HMGCS1: variants seen among roughly 807,000 people sequenced by gnomAD.
HMGCS1 encodes 3-hydroxy-3-methylglutaryl-CoA synthase 1, also known as hydroxymethylglutaryl-CoA synthase, cytoplasmic.
A neutral mutation model predicts 52.3 loss-of-function variants in HMGCS1; 9 were observed. That is an observed-to-expected ratio of 0.17 (90% CI 0.10 to 0.30). HMGCS1 has a LOEUF of 0.30. HMGCS1 is among the 10% of genes least tolerant of loss of function. The pLI, the probability that HMGCS1 is intolerant of heterozygous loss-of-function variation, is 1.00. For synonymous variants in HMGCS1, 176 were observed against 214.4 expected, an observed-to-expected ratio of 0.82 and a Z score of 1.57; for missense variants, 320 against 620.9, an observed-to-expected ratio of 0.52 and a Z score of 5.15.
At chr5:43,303,157 C>A in intron 2 of HMGCS1, among the ~76,000 whole-genome samples, 1 of 152,200 alleles carries the variant, frequency 6.6e-6, no homozygotes, top group Non-Finnish European at 1.5e-5. Context: ...CGAAATATAG[C>A]ATTCAGTGCT....
At position 43,298,459 on chromosome 5, in the gene HMGCS1, G is replaced by A. The variant is rs1049131007; in HGVS notation, c.448+59C>T. 2.4e-6 allele frequency: 3 copies of A among 1,252,434 alleles called. No individual in the cohort carries two copies. Among genetic ancestry groups the A allele is most frequent in the African/African-American group, 3.0e-5 (2 of 66,482 alleles). The allele number at this position is 1,252,434 out of a possible 1,614,324, so 77.6% of individuals were successfully genotyped here. ...TTGCATTAATTAAAGTGTCATCTGG[G>A]TCTATTGAACCTTAGAAAAAAATTT... On this transcript the variant is annotated intron_variant, in intron 3 of 10. Transcript: ENST00000325110. This position sits in a 1 kb window ranked among gnomAD's most constrained non-coding sequence, Gnocchi z 5.6.
At chr5:43,292,730 T>G in intron 9 of HMGCS1, 93 bp from the exon 10 acceptor site, 1 of 1,496,878 alleles carries the variant, frequency 6.7e-7, no homozygotes. Flanking sequence ...TCCCAATAAT[T>G]TTCACTGACA....
intron 8 of HMGCS1, among the ~76,000 whole-genome samples, chr5:43,293,436 A>C (rs1177000858): frequency 6.6e-6 from 1 of 152,118 alleles, no homozygotes; most frequent in African/African-American, 2.4e-5. Context: ...TCATCAGTTT[A>C]TCTCTACATT....
At chr5:43,311,761 CA>C (rs1216984495) in intron 1 of HMGCS1, among the ~76,000 whole-genome samples, 1 of 152,082 alleles carries the variant, frequency 6.6e-6, no homozygotes, top group Non-Finnish European at 1.5e-5. Flanking sequence ...AGATGAAAAA[CA>C]AAATTAAAAC....
intron 9 of HMGCS1, 89 bp from the exon 10 acceptor site, chr5:43,292,726 T>A: frequency 6.7e-7 from 1 of 1,494,278 alleles, no homozygotes; most frequent in South Asian, 1.2e-5. Context: ...TATATCCCAA[T>A]AATTTTCACT....
chr5:43,291,485 C>G lies in HMGCS1; in HGVS notation c.1474-265G>C, dbSNP rs1186039465. On this transcript the variant is annotated intron_variant, in intron 10 of 10. Transcript: ENST00000325110. ...CCACGTAACAGTATTTTACTTGTTA[C>G]GTCTTGTATTTGCAACTCAAACAGT... 3.3e-5 allele frequency among the ~76,000 whole-genome samples: 5 copies of G among 152,054 alleles called. No homozygotes were observed. In the East Asian group the frequency reaches 7.7e-4, roughly 23 times the overall value.
rs946221461 is a variant in HMGCS1, at chr5:43,299,446, G to C, written c.-10-471C>G. Among the ~76,000 whole-genome samples, 12 of 151,378 alleles carry C rather than the reference G, an allele frequency of 7.9e-5. No homozygotes were observed. The East Asian group carries it at 2.3e-3, about 29-fold the overall frequency. ...AGGCGGATCACAAGGTCAGGAGATC[G>C]AGACCATCCTGGCTAACATGGTGAA... On this transcript the variant is annotated intron_variant, in intron 2 of 10. Coordinates refer to ENST00000325110, the MANE Select transcript of HMGCS1 (RefSeq NM_001098272.3).
At chr5:43,302,839 T>TG (rs1258925636) in intron 2 of HMGCS1, among the ~76,000 whole-genome samples, 1 of 152,218 alleles carries the variant, frequency 6.6e-6, no homozygotes, top group African/African-American at 2.4e-5. Flanking sequence ...TTGAAAGGAA[T>TG]GCTACATCAC....
chr5:43,294,991 G>T, intron 6 of HMGCS1, 130 bp from the exon 7 acceptor site: 1 of 532,814 alleles, frequency 1.9e-6, no homozygotes, highest in Non-Finnish European at 3.2e-6. Flanking sequence ...AAGCCAAGTA[G>T]CAGCAATCTA....
rs758486909 is a variant in HMGCS1, at chr5:43,294,166, T to G, written c.1077-4A>C. On this transcript the variant is annotated splice_region_variant and splice_polypyrimidine_tract_variant and intron_variant, in intron 7 of 10. Coordinates refer to ENST00000325110, the MANE Select transcript of HMGCS1 (RefSeq NM_001098272.3). ...TGCTAATTGCTGAGGTGAGTACCTA[T>G]GTAGGGTGTAACAATAGTTCAGAAG... 1.3e-6 allele frequency: 2 copies of G among 1,565,108 alleles called. No individual in the cohort carries two copies. The highest frequency in any genetic ancestry group is 2.7e-5 in the African/African-American group (2 of 73,972).
intron 2 of HMGCS1, among the ~76,000 whole-genome samples, chr5:43,301,370 A>G (rs1033792795): frequency 6.6e-6 from 1 of 152,220 alleles, no homozygotes; most frequent in Non-Finnish European, 1.5e-5. Flanking sequence ...AGATAGTAAG[A>G]AGCCATCGGA....
intron 2 of HMGCS1, among the ~76,000 whole-genome samples, chr5:43,302,031 C>T (rs996464199): frequency 2.0e-5 from 3 of 152,218 alleles, no homozygotes; most frequent in Non-Finnish European, 2.9e-5. Context: ...GCCAAACCAG[C>T]GCTCAGAACC....
In HMGCS1 at chr5:43,298,504, G is replaced by C; in HGVS notation, c.448+14C>G. 1.3e-6 allele frequency: 2 copies of C among 1,598,266 alleles called. No homozygotes were observed. Among genetic ancestry groups the C allele is most frequent in the Non-Finnish European group, 1.7e-6 (2 of 1,168,926 alleles). On this transcript the variant is annotated intron_variant, in intron 3 of 10. Coordinates refer to ENST00000325110, the MANE Select transcript of HMGCS1 (RefSeq NM_001098272.3). This position sits in a 1 kb window ranked among gnomAD's most constrained non-coding sequence, Gnocchi z 5.6. ...AAATTTTGGGGGACGGCGGGGAATA[G>C]GCATGTAACATACCATCCCAAGAGC...
intron 2 of HMGCS1, among the ~76,000 whole-genome samples, chr5:43,302,796 A>G (rs755077843): frequency 2.6e-5 from 4 of 152,232 alleles, no homozygotes; most frequent in Non-Finnish European, 4.4e-5. Context: ...GCTGAAGGCC[A>G]GCACCAAAAC....
rs543352702 is a variant in HMGCS1 at position 43,294,250 on chromosome 5, G to A, written c.1077-88C>T. On this transcript the variant is annotated intron_variant, in intron 7 of 10. Transcript: ENST00000325110. ...CTATAAAAGTAGCAATAAAAATTTAGGCTATAAGTAAAAGTAGAATCTAAC... is the reference window on the plus strand; with the variant it reads ...CTATAAAAGTAGCAATAAAAATTTAAGCTATAAGTAAAAGTAGAATCTAAC... 354 of 767,364 alleles carry A rather than the reference G, an allele frequency of 4.6e-4. 3 individuals carry two copies. In the African/African-American group the frequency reaches 6.1e-3, roughly 13 times the overall value. The allele number at this position is 767,364 out of a possible 1,614,324, so 47.5% of individuals were successfully genotyped here.
At position 43,291,193 on chromosome 5, in the gene HMGCS1, G is replaced by A. The variant is rs773305239; in HGVS notation, c.1501C>T (p.Pro501Ser). 1.2e-6 allele frequency: 2 copies of A among 1,612,586 alleles called. No homozygotes were observed. Among genetic ancestry groups the A allele is most frequent in the Non-Finnish European group, 1.7e-6 (2 of 1,178,900 alleles). Residue 501 changes from proline (P) to serine (S), a missense_variant, in exon 11 of 11, where the codon CCA (proline) becomes TCA (serine). Around this residue, in one of 3 missense-constraint regions of HMGCS1, gnomAD observed 213 missense variants for 337.4 expected, o/e 0.63. Coordinates refer to ENST00000325110, the MANE Select transcript of HMGCS1 (RefSeq NM_001098272.3). ...EHIPSPAKKV[P>S]RLPATAAEPE... Reference sequence around the variant, plus strand: ...TCTGCTGCTGTGGCAGGGAGTCTTGGTACTTTCTTGGCAGGGCTTGGAATA... The same window carrying A: ...TCTGCTGCTGTGGCAGGGAGTCTTGATACTTTCTTGGCAGGGCTTGGAATA...
chr5:43,308,164 GA>G (rs1335008236), intron 1 of HMGCS1, among the ~76,000 whole-genome samples: 1 of 152,150 alleles, frequency 6.6e-6, no homozygotes, highest in Non-Finnish European at 1.5e-5. Context: ...AGAATTGGGG[GA>G]AAGGAATATA....
intron 1 of HMGCS1, among the ~76,000 whole-genome samples, chr5:43,312,701 A>C (rs1363890663): frequency 6.6e-6 from 1 of 152,174 alleles, no homozygotes; most frequent in East Asian, 1.9e-4. Context: ...TAGACAAAAA[A>C]AAATATGGAG....
intron 2 of HMGCS1, among the ~76,000 whole-genome samples, chr5:43,304,204 G>C (rs1754454614): frequency 6.6e-6 from 1 of 152,194 alleles, no homozygotes; most frequent in Non-Finnish European, 1.5e-5. Context: ...TCCTACATAT[G>C]ATCTCTTAAG....
Sources: gnomAD v4.1 joint callset for allele counts (sites outside exome capture counted in the v4.1 genomes callset) on GRCh38, gnomAD v4.1.1 for gene constraint, gnomAD v4.1.1 regional missense constraint, Gnocchi (gnomAD v3.1) non-coding constraint, MANE v1.5 for transcripts, NCBI Gene and HGNC (gene_info 2026-07-23, HGNC 2026-07-21) for gene names.